VCL: variants seen among roughly 807,000 people sequenced by gnomAD.
The protein encoded by VCL is epididymis luminal protein 114.
In VCL, 47 loss-of-function variants were observed where a neutral mutation model predicts 125.7. That is an observed-to-expected ratio of 0.37 (90% CI 0.30 to 0.48). The LOEUF is 0.48. VCL is among the 20% of genes least tolerant of loss of function. VCL has a pLI of 0.99. For synonymous variants in VCL, 458 were observed against 514.6 expected (o/e 0.89, Z 1.49); for missense variants, 1,069 against 1,455.5 (o/e 0.73, Z 4.32).
At chr10:74,057,383 T>C (rs1841406999) in intron 2 of VCL, among the ~76,000 whole-genome samples, 1 of 152,188 alleles carries the variant, frequency 6.6e-6, no homozygotes, top group African/African-American at 2.4e-5. Flanking sequence ...TTGGAGTTCA[T>C]TCCTTAGGTT....
intron 5 of VCL, among the ~76,000 whole-genome samples, chr10:74,073,688 T>C (rs1018920029): frequency 3.3e-5 from 5 of 152,186 alleles, no homozygotes; most frequent in African/African-American, 1.2e-4. Flanking sequence ...TCCCATTGAG[T>C]AGTGCTCTGA....
At chr10:74,116,807 A>G (rs1840317573) in intron 21 of VCL, among the ~76,000 whole-genome samples, 1 of 152,230 alleles carries the variant, frequency 6.6e-6, no homozygotes, top group Non-Finnish European at 1.5e-5. Flanking sequence ...TCTGGGCCTG[A>G]GTCCCTTTGC....
At chr10:74,037,288 G>C (rs548971751) in intron 1 of VCL, among the ~76,000 whole-genome samples, 13 of 152,300 alleles carry the variant, frequency 8.5e-5, no homozygotes, top group African/African-American at 3.1e-4. Context: ...ATGGTGACAG[G>C]AGAGTACAGG....
chr10:74,032,240 TA>T (rs770412004), intron 1 of VCL, among the ~76,000 whole-genome samples: 106 of 75,992 alleles, frequency 1.4e-3, no homozygotes, highest in Middle Eastern at 7.2e-3. Context: ...TGTTTCAGAA[TA>T]AAAAAAAAAA....
chr10:74,075,794 G>C (rs531610389), intron 6 of VCL: 30 of 152,730 alleles, frequency 2.0e-4, no homozygotes, highest in African/African-American at 7.0e-4. Flanking sequence ...ATGTTCTCCG[G>C]GATCTGTAAG....
rs1421776063 is a variant in VCL at position 74,087,821 on chromosome 10, C to T, written c.1023-1375C>T. 2.0e-5 allele frequency among the ~76,000 whole-genome samples: 3 copies of T among 151,946 alleles called. No individual in the cohort carries two copies. In the East Asian group the frequency reaches 5.9e-4, roughly 30 times the overall value. On this transcript the variant is annotated intron_variant, in intron 8 of 21. Transcript: ENST00000211998. ...TGAAACCCCGTCTCTACTAAAAATACAAAAATTAGCCAGGCATGGTGGCAC... is the reference window on the plus strand; with the variant it reads ...TGAAACCCCGTCTCTACTAAAAATATAAAAATTAGCCAGGCATGGTGGCAC...
At chr10:74,014,927 G>A (rs527548917) in intron 1 of VCL, among the ~76,000 whole-genome samples, 17 of 152,126 alleles carry the variant, frequency 1.1e-4, no homozygotes, top group Non-Finnish European at 1.8e-4. Flanking sequence ...GGGCTCAAGC[G>A]ATTCTCCCAC....
chr10:74,054,885 C>A (rs528280269), intron 2 of VCL, among the ~76,000 whole-genome samples: 6 of 151,876 alleles, frequency 4.0e-5, no homozygotes, highest in African/African-American at 1.5e-4. Flanking sequence ...CACGCCATTG[C>A]ACTTCAGCCT....
At chr10:74,099,436 T>C (rs1554818521) in intron 13 of VCL, among the ~76,000 whole-genome samples, 1 of 145,426 alleles carries the variant, frequency 6.9e-6, no homozygotes, top group Non-Finnish European at 1.5e-5. Context: ...AAGTGCTTTT[T>C]CTTTTGCTCC....
At chr10:74,009,049 G>A (rs1316233604) in intron 1 of VCL, among the ~76,000 whole-genome samples, 1 of 152,134 alleles carries the variant, frequency 6.6e-6, no homozygotes, top group African/African-American at 2.4e-5. Flanking sequence ...GAAAGATAGA[G>A]AAGAAATTTG....
intron 21 of VCL, among the ~76,000 whole-genome samples, chr10:74,116,686 C>CA (rs34188235): frequency 0.54 from 74,001 of 136,086 alleles, 19,650 homozygotes; most frequent in Middle Eastern, 0.64. Context: ...AACTCCGTCT[C>CA]AAAAAAAAAA....
intron 3 of VCL, 30 bp from the exon 4 acceptor site, chr10:74,070,945 G>A: frequency 1.2e-6 from 2 of 1,613,304 alleles, no homozygotes; most frequent in Non-Finnish European, 1.7e-6. Flanking sequence ...GTCCACCCAT[G>A]TGATTGAATA....
chr10:74,032,297 T>C (rs1480851760), intron 1 of VCL, among the ~76,000 whole-genome samples: 1 of 148,878 alleles, frequency 6.7e-6, no homozygotes, highest in East Asian at 1.9e-4. Context: ...TAGTCTTAAA[T>C]TGGCCTTTAT....
At chr10:74,036,683 C>T (rs938897980) in intron 1 of VCL, among the ~76,000 whole-genome samples, 22 of 150,634 alleles carry the variant, frequency 1.5e-4, no homozygotes, top group Non-Finnish European at 2.5e-4. Flanking sequence ...CCAGCCTGGG[C>T]AATATAGCAA....
At chr10:74,022,784 G>C (rs150014740) in intron 1 of VCL, among the ~76,000 whole-genome samples, 1 of 151,248 alleles carries the variant, frequency 6.6e-6, no homozygotes, top group Non-Finnish European at 1.5e-5. Context: ...TTACAGGTGC[G>C]TGCCACCACA....
intron 17 of VCL, among the ~76,000 whole-genome samples, chr10:74,107,707 G>T (rs1840159685): frequency 6.6e-6 from 1 of 152,038 alleles, no homozygotes; most frequent in Non-Finnish European, 1.5e-5. Flanking sequence ...AAGGAGATTT[G>T]GTGTGTTCTT....
chr10:74,060,114 T>C (rs1483267474), intron 2 of VCL, among the ~76,000 whole-genome samples: 3 of 151,940 alleles, frequency 2.0e-5, no homozygotes, highest in Non-Finnish European at 4.4e-5. Flanking sequence ...GTGGGCAACA[T>C]AGTGAGACCC....
intron 2 of VCL, among the ~76,000 whole-genome samples, chr10:74,062,358 C>T (rs1460329710): frequency 6.8e-6 from 1 of 147,832 alleles, no homozygotes. Context: ...AGCCACCATG[C>T]CTGGCCTGAT....
chr10:74,049,109 A>AC (rs1430532204), intron 2 of VCL, among the ~76,000 whole-genome samples: 129 of 142,898 alleles, frequency 9.0e-4, no homozygotes, highest in African/African-American at 2.8e-3. Context: ...TCCATCTCAA[A>AC]AAAACAAACA....
Sources: allele counts gnomAD v4.1 joint callset (sites outside exome capture counted in the v4.1 genomes callset), GRCh38; gene constraint gnomAD v4.1.1; transcripts MANE v1.5; gene names NCBI Gene and HGNC (gene_info 2026-07-23, HGNC 2026-07-21).